Variants in ZNF454 observed in about 807,000 individuals in gnomAD.
The protein encoded by ZNF454 is zinc finger protein 454.
In ZNF454, 30 loss-of-function variants were observed where a neutral mutation model predicts 48.2. That is an observed-to-expected ratio of 0.62 (90% CI 0.47 to 0.84). The LOEUF (loss-of-function observed/expected upper bound fraction) is 0.84. Ranked by LOEUF, ZNF454 falls within the 40% of genes least tolerant of loss-of-function variation. ZNF454 has a pLI of 0.00. For synonymous variants in ZNF454, 204 were observed against 211.4 expected, an observed-to-expected ratio of 0.97 and a Z score of 0.30; for missense variants, 510 against 623.1, an observed-to-expected ratio of 0.82 and a Z score of 1.93.
chr5:178,957,297 G>C (rs962165199), intron 4 of ZNF454, among the ~76,000 whole-genome samples: 5 of 152,268 alleles, frequency 3.3e-5, no homozygotes, highest in Non-Finnish European at 7.3e-5. Context: ...GTCCCTCCCT[G>C]GGTGTGACCT....
At chr5:178,959,417 A>G (rs1051350798) in intron 4 of ZNF454, among the ~76,000 whole-genome samples, 1 of 152,176 alleles carries the variant, frequency 6.6e-6, no homozygotes, top group African/African-American at 2.4e-5. Context: ...TTACTCGAGC[A>G]TTATAATAAG....
chr5:178,961,627 G>T (rs1362652112), intron 4 of ZNF454, among the ~76,000 whole-genome samples: 1 of 151,370 alleles, frequency 6.6e-6, no homozygotes, highest in Non-Finnish European at 1.5e-5. Flanking sequence ...ACCAGCCTGG[G>T]CAACACGGTG....
At chr5:178,988,366 C>T in the ZNF454 span, among the ~76,000 whole-genome samples, 1 of 152,122 alleles carries the variant, frequency 6.6e-6, no homozygotes, top group Non-Finnish European at 1.5e-5. This position sits in a 1 kb window ranked among gnomAD's most constrained non-coding sequence, Gnocchi z 6.0. Context: ...AGTGGAAGAG[C>T]GGAGTTTTGA....
chr5:178,958,942 T>G (rs562564742), intron 4 of ZNF454, among the ~76,000 whole-genome samples: 3 of 152,218 alleles, frequency 2.0e-5, no homozygotes, highest in Non-Finnish European at 4.4e-5. Context: ...TATGCAAATA[T>G]TGTTTCCCAC....
At chr5:178,985,584 T>A in the ZNF454 span, 24 of 348,134 alleles carry the variant, frequency 6.9e-5, no homozygotes, top group Middle Eastern at 8.5e-4. Flanking sequence ...GCGCCTGTAG[T>A]CCCAGCTACT....
the ZNF454 span, chr5:178,975,689 C>T: frequency 2.3e-6 from 1 of 432,360 alleles, no homozygotes; most frequent in East Asian, 7.3e-5. Flanking sequence ...GGTATACATA[C>T]CCCAGTGCCT....
At chr5:178,983,490 A>G in the ZNF454 span, 57 of 659,516 alleles carry the variant, frequency 8.6e-5, no homozygotes, top group Admixed American at 1.2e-3. Flanking sequence ...TGGCAACATC[A>G]GTGCAGTGTG....
At chr5:178,947,892 G>T (rs142011862) in intron 4 of ZNF454, among the ~76,000 whole-genome samples, 2 of 152,142 alleles carry the variant, frequency 1.3e-5, no homozygotes, top group Admixed American at 6.5e-5. Flanking sequence ...AACCCAATTT[G>T]TTATGGAAAT....
At chr5:178,956,674 AATTTATTT>A (rs70997652) in intron 4 of ZNF454, among the ~76,000 whole-genome samples, 55 of 33,880 alleles carry the variant, frequency 1.6e-3, no homozygotes, top group African/African-American at 3.5e-3. Flanking sequence ...TATTTTATTT[AATTTATTT>A]ATTTATTTAT....
the ZNF454 span, among the ~76,000 whole-genome samples, chr5:178,984,442 C>T: frequency 2.0e-3 from 309 of 152,330 alleles, 1 homozygote; most frequent in African/African-American, 6.7e-3. Flanking sequence ...TTTTGCAGCC[C>T]GTCATGACGT....
chr5:178,944,360 C>T lies in ZNF454; in HGVS notation c.33+1536C>T, dbSNP rs1003887411. 1.4e-4 allele frequency among the ~76,000 whole-genome samples: 21 copies of T among 152,316 alleles called. 1 individual carries two copies. In the East Asian group the frequency reaches 3.9e-3, roughly 28 times the overall value. ...GATATTTTCCTTCCTTAACCTTTTC[C>T]TCAAAGTCACTGTCGGTGTCATACA... On this transcript the variant is annotated intron_variant, in intron 2 of 4. Transcript: ENST00000519564. The surrounding 1 kb of genome is among the most constrained non-coding windows in gnomAD (Gnocchi z 4.1).
chr5:178,950,973 C>A (rs952851503), intron 4 of ZNF454, among the ~76,000 whole-genome samples: 1 of 151,816 alleles, frequency 6.6e-6, no homozygotes, highest in African/African-American at 2.4e-5. Flanking sequence ...TATTCTCCTG[C>A]CTCAGCCTCC....
chr5:178,942,417 C>CAA (rs911304719), intron 1 of ZNF454: 4 of 188,254 alleles, frequency 2.1e-5, no homozygotes, highest in Non-Finnish European at 4.4e-5. Flanking sequence ...AACAAACAAA[C>CAA]AAAAAAAGAA....
chr5:178,982,675 C>G, the ZNF454 span: 1 of 381,266 alleles, frequency 2.6e-6, no homozygotes, highest in African/African-American at 3.1e-5. Context: ...CAATATCTCT[C>G]AAAGAAATGA....
At chr5:178,958,913 T>G (rs1759885886) in intron 4 of ZNF454, among the ~76,000 whole-genome samples, 1 of 152,202 alleles carries the variant, frequency 6.6e-6, no homozygotes, top group Non-Finnish European at 1.5e-5. Context: ...ATATTTGAAA[T>G]GCAGAATCTT....
In ZNF454 at chr5:178,941,519, A is replaced by T. The variant is rs562410027; in HGVS notation, c.-108+75A>T. 2.2e-6 allele frequency: 1 copy of T among 456,528 alleles called. No individual in the cohort carries two copies. Among genetic ancestry groups the T allele is most frequent in the East Asian group, 7.0e-5 (1 of 14,346 alleles). 28.3% of individuals were successfully genotyped at this position (456,528 alleles called of 1,614,324 possible). The stretch of plus-strand genomic sequence containing the variant: ...TCCTGGGCTGAGGGTCGAGTCTGTG[A>T]GTGCCTGTGGAGGAGATGGAGCCAG... On this transcript the variant is annotated intron_variant, in intron 1 of 4. Transcript: ENST00000519564. The surrounding 1 kb of genome is among the most constrained non-coding windows in gnomAD (Gnocchi z 5.5).
intron 4 of ZNF454, among the ~76,000 whole-genome samples, chr5:178,951,461 T>C (rs1759554527): frequency 6.6e-6 from 1 of 152,202 alleles, no homozygotes; most frequent in Non-Finnish European, 1.5e-5. Context: ...TCTCCTGTGC[T>C]TCTCTTTGTG....
chr5:178,947,851 CAATA>C (rs1759399067), intron 4 of ZNF454, among the ~76,000 whole-genome samples: 1 of 152,138 alleles, frequency 6.6e-6, no homozygotes, highest in South Asian at 2.1e-4. Flanking sequence ...TTATATCCTA[CAATA>C]AATAACTGTG....
At chr5:178,986,987 G>A in the ZNF454 span, 2 of 1,613,186 alleles carry the variant, frequency 1.2e-6, no homozygotes, top group Admixed American at 1.7e-5. Context: ...GCGCTGCCTG[G>A]AGAGAGAGTC....
Sources: gnomAD v4.1 joint callset for allele counts (sites outside exome capture counted in the v4.1 genomes callset) on GRCh38, gnomAD v4.1.1 for gene constraint, Gnocchi (gnomAD v3.1) non-coding constraint, MANE v1.5 for transcripts, NCBI Gene and HGNC (gene_info 2026-07-23, HGNC 2026-07-21) for gene names.